Variants in XXYLT1 observed in about 807,000 individuals in gnomAD.
XXYLT1 encodes the protein UDP-xylose:alpha-xyloside alpha-1,3-xylosyltransferase.
A neutral mutation model predicts 28.9 loss-of-function variants in XXYLT1; 20 were observed. That is an observed-to-expected ratio of 0.69 (90% CI 0.49 to 1.00). The LOEUF (loss-of-function observed/expected upper bound fraction) is 1.00, where lower values mean the gene tolerates loss of function less well. Among genes scored for constraint, XXYLT1 ranks in the 50% least tolerant of loss-of-function variants. XXYLT1 has a pLI of 0.00. For missense variants in XXYLT1, 542 were observed against 560.1 expected, an observed-to-expected ratio of 0.97 and a Z score of 0.33; for synonymous variants, 257 against 253.8, an observed-to-expected ratio of 1.01 and a Z score of -0.12.
At chr3:195,216,041 T>C (rs1294633759) in intron 2 of XXYLT1, among the ~76,000 whole-genome samples, 7 of 151,336 alleles carry the variant, frequency 4.6e-5, no homozygotes, top group East Asian at 2.0e-4. Flanking sequence ...CTCAACTACA[T>C]GGAAACTGAA....
chr3:195,083,526 C>T (rs1446551128), intron 3 of XXYLT1, among the ~76,000 whole-genome samples: 1 of 152,184 alleles, frequency 6.6e-6, no homozygotes, highest in Non-Finnish European at 1.5e-5. Context: ...AGGGTCATCC[C>T]TACATCCAGG....
intron 3 of XXYLT1, among the ~76,000 whole-genome samples, chr3:195,102,299 A>G (rs1391659663): frequency 6.6e-6 from 1 of 152,048 alleles, no homozygotes; most frequent in Non-Finnish European, 1.5e-5. Context: ...AAGAGCACCT[A>G]AAACAAACTC....
At chr3:195,149,307 T>C (rs1373697173) in intron 3 of XXYLT1, among the ~76,000 whole-genome samples, 1 of 152,240 alleles carries the variant, frequency 6.6e-6, no homozygotes, top group African/African-American at 2.4e-5. Flanking sequence ...TTTTTAATGA[T>C]GAGTTTTAGA....
Position 195,072,363 on chromosome 3 carries a change from G to A in XXYLT1, c.786-2252C>T, listed in dbSNP as rs183707649. On this transcript the variant is annotated intron_variant, in intron 3 of 3. Coordinates refer to ENST00000310380, the MANE Select transcript of XXYLT1 (RefSeq NM_152531.5). ...CTCCTAGCAAGTGGGGAGCAAAGAG[G>A]CCGCCCACTGTTCCAGGTATCCTTA... is the stretch of plus-strand genomic sequence containing the variant. Among the ~76,000 whole-genome samples, 6 of 152,274 alleles carry A rather than the reference G, an allele frequency of 3.9e-5. No homozygotes were observed. The East Asian group carries it at 1.2e-3, about 29-fold the overall frequency.
At chr3:195,112,896 GC>G (rs1717854862) in intron 3 of XXYLT1, among the ~76,000 whole-genome samples, 1 of 151,068 alleles carries the variant, frequency 6.6e-6, no homozygotes, top group South Asian at 2.1e-4. Flanking sequence ...CATACACGCA[GC>G]CCCCAGCCTC....
intron 3 of XXYLT1, among the ~76,000 whole-genome samples, chr3:195,101,152 T>A (rs996584151): frequency 6.6e-6 from 1 of 152,264 alleles, no homozygotes; most frequent in African/African-American, 2.4e-5. Flanking sequence ...GACAAGTACA[T>A]AATATGTCAC....
intron 2 of XXYLT1, among the ~76,000 whole-genome samples, chr3:195,211,306 A>G (rs1356383420): frequency 6.6e-6 from 1 of 152,188 alleles, no homozygotes; most frequent in Non-Finnish European, 1.5e-5. Flanking sequence ...AGGCAGGAGA[A>G]TCGCTTGAAC....
chr3:195,121,798 C>G (rs920601883), intron 3 of XXYLT1, among the ~76,000 whole-genome samples: 3 of 152,224 alleles, frequency 2.0e-5, no homozygotes, highest in African/African-American at 7.2e-5. Context: ...TCAACTGGCC[C>G]TGTGACCTGG....
chr3:195,191,408 A>T (rs919264122), intron 2 of XXYLT1, among the ~76,000 whole-genome samples: 6 of 152,228 alleles, frequency 3.9e-5, no homozygotes, highest in Non-Finnish European at 8.8e-5. Context: ...GGTTTTCTTT[A>T]AAAAATTTTC....
intron 2 of XXYLT1, among the ~76,000 whole-genome samples, chr3:195,174,683 C>T (rs1458519487): frequency 8.0e-6 from 1 of 125,540 alleles, no homozygotes; most frequent in African/African-American, 2.9e-5. Flanking sequence ...CTTCCCTCCC[C>T]CCTCCCTCCC....
chr3:195,103,368 G>A (rs961179921), intron 3 of XXYLT1, among the ~76,000 whole-genome samples: 5 of 149,050 alleles, frequency 3.4e-5, no homozygotes, highest in South Asian at 2.1e-4. Flanking sequence ...CCACGCCAGC[G>A]GCCTGCGTCC....
chr3:195,154,766 C>T (rs757143813), intron 3 of XXYLT1, among the ~76,000 whole-genome samples: 3 of 152,196 alleles, frequency 2.0e-5, no homozygotes, highest in Non-Finnish European at 4.4e-5. Flanking sequence ...CCTTTCATTC[C>T]GGTCTAAAGC....
At chr3:195,156,368 A>T (rs777108049) in intron 3 of XXYLT1, 81 bp downstream of exon 3, 21 of 1,560,698 alleles carry the variant, frequency 1.3e-5, no homozygotes, top group Non-Finnish European at 1.6e-5. Context: ...ACTAAATCCC[A>T]ATCTGTCACG....
intron 2 of XXYLT1, among the ~76,000 whole-genome samples, chr3:195,177,957 AGAG>A (rs1205780786): frequency 6.7e-6 from 1 of 149,138 alleles, no homozygotes; most frequent in Non-Finnish European, 1.5e-5. Flanking sequence ...AAAAAAAAAA[AGAG>A]GGATGGAAAT....
At chr3:195,232,665 C>CAGTTTCCATGTGTTTGTAT (rs1463411840) in intron 1 of XXYLT1, among the ~76,000 whole-genome samples, 2 of 152,100 alleles carry the variant, frequency 1.3e-5, no homozygotes, top group African/African-American at 2.4e-5. Context: ...GCATATTGTT[C>CAGTTTCCATGTGTTTGTAT]AGTTTCCATG....
chr3:195,245,809 C>A (rs1724998663), intron 1 of XXYLT1, among the ~76,000 whole-genome samples: 1 of 152,094 alleles, frequency 6.6e-6, no homozygotes, highest in Non-Finnish European at 1.5e-5. Context: ...GTGTGTGGCA[C>A]CTCCACCCGC....
intron 3 of XXYLT1, among the ~76,000 whole-genome samples, chr3:195,092,260 A>C (rs1401235052): frequency 1.4e-5 from 2 of 142,666 alleles, no homozygotes; most frequent in African/African-American, 5.2e-5. Flanking sequence ...GAGGCATCAC[A>C]CTACCTGACT....
chr3:195,080,467 A>T (rs1360518612), intron 3 of XXYLT1, among the ~76,000 whole-genome samples: 2 of 148,508 alleles, frequency 1.3e-5, no homozygotes, highest in Non-Finnish European at 3.0e-5. Context: ...GAGGACCCAC[A>T]TGCACCTGGC....
intron 2 of XXYLT1, among the ~76,000 whole-genome samples, chr3:195,206,306 G>A (rs888316131): frequency 4.0e-5 from 6 of 151,404 alleles, no homozygotes; most frequent in African/African-American, 9.7e-5. Context: ...CACCACGCAC[G>A]GCCTAAAGTT....
Sources: gnomAD v4.1 joint callset for allele counts (sites outside exome capture counted in the v4.1 genomes callset) on GRCh38, gnomAD v4.1.1 for gene constraint, MANE v1.5 for transcripts, NCBI Gene and HGNC (gene_info 2026-07-23, HGNC 2026-07-21) for gene names.